The following ADGRE3 variants were observed in gnomAD, a reference collection of about 807,000 sequenced individuals.
The protein encoded by ADGRE3 is EGF-like module receptor 3.
ADGRE3 carries 88 observed loss-of-function variants against 80.1 expected under a neutral mutation model. The ratio of observed to expected loss-of-function variants is 1.10; its 90% CI spans 0.93 to 1.31. The LOEUF (loss-of-function observed/expected upper bound fraction) is 1.31. Among genes scored for constraint, ADGRE3 ranks in the 40% most tolerant of loss-of-function variants. The pLI is 0.00. For missense variants in ADGRE3, 715 were observed against 776.5 expected, an observed-to-expected ratio of 0.92 and a Z score of 0.94; for synonymous variants, 281 against 294.8, an observed-to-expected ratio of 0.95 and a Z score of 0.48.
intron 6 of ADGRE3, among the ~76,000 whole-genome samples, chr19:14,653,369 A>G (rs1444909475): frequency 6.6e-6 from 1 of 152,068 alleles, no homozygotes; most frequent in Non-Finnish European, 1.5e-5. Context: ...ATATTATTTA[A>G]TATTTTCTAC....
At chr19:14,643,131 T>C (rs1971297542) in intron 9 of ADGRE3, among the ~76,000 whole-genome samples, 1 of 148,136 alleles carries the variant, frequency 6.8e-6, no homozygotes, top group Non-Finnish European at 1.5e-5. Context: ...TGATGTGGTT[T>C]ATAGTAATCA....
intron 2 of ADGRE3, among the ~76,000 whole-genome samples, chr19:14,665,945 T>TGCATACATAC (rs1555763976): frequency 1.9e-4 from 5 of 26,914 alleles, no homozygotes; most frequent in African/African-American, 5.4e-4. Flanking sequence ...TGTATATATA[T>TGCATACATAC]ATATATATAT....
the ADGRE3 span, among the ~76,000 whole-genome samples, chr19:14,608,034 C>T: frequency 1.3e-5 from 2 of 152,022 alleles, no homozygotes; most frequent in African/African-American, 4.8e-5. Context: ...CCATGCCTGG[C>T]TAATTTTTTG....
At chr19:14,673,197 G>T (rs1342239511) in intron 1 of ADGRE3, among the ~76,000 whole-genome samples, 1 of 152,170 alleles carries the variant, frequency 6.6e-6, no homozygotes, top group Non-Finnish European at 1.5e-5. Flanking sequence ...AGAATTTACA[G>T]CCTATCAGCT....
At chr19:14,628,633 G>T in intron 14 of ADGRE3, 1 of 316,780 alleles carries the variant, frequency 3.2e-6, no homozygotes, top group Non-Finnish European at 6.1e-6. Context: ...CTGCAGTACA[G>T]TGAAGTTCAA....
Position 14,636,149 on chromosome 19 carries a change from T to TCTTCCTTCCTTCCTTCCTTCCTTC in ADGRE3, c.1484+1955_1484+1956insGAAGGAAGGAAGGAAGGAAGGAAG, listed in dbSNP as rs1555755846. On this transcript the variant is annotated intron_variant, in intron 11 of 15. Coordinates refer to ENST00000253673, the MANE Select transcript of ADGRE3 (RefSeq NM_032571.5). The stretch of plus-strand genomic sequence containing the variant: ...TTCTTTCTTTCTTTCTTTCTTTCTT[T>TCTTCCTTCCTTCCTTCCTTCCTTC]CTTCCTTTCCTCCTTTCCTTTCCTT... 3.1e-3 allele frequency among the ~76,000 whole-genome samples: 124 copies of TCTTCCTTCCTTCCTTCCTTCCTTC among 40,594 alleles called. 16 individuals carry two copies. Among genetic ancestry groups the TCTTCCTTCCTTCCTTCCTTCCTTC allele is most frequent in the East Asian group, 7.9e-3 (10 of 1,268 alleles). 26.6% of individuals were successfully genotyped at this position (40,594 alleles called of 152,430 possible). A position where few individuals can be genotyped will look rare whatever the true frequency, so the allele number is the denominator to read the frequency against.
intron 1 of ADGRE3, 109 bp downstream of exon 1, chr19:14,674,637 G>A: frequency 9.1e-7 from 1 of 1,100,172 alleles, no homozygotes; most frequent in Non-Finnish European, 1.3e-6. Context: ...GAAAAGGTGA[G>A]AGTGTTCAGA....
At position 14,666,304 on chromosome 19, in the gene ADGRE3, T is replaced by A. The variant is rs1399468557; in HGVS notation, c.76+2498A>T. 3.3e-5 allele frequency among the ~76,000 whole-genome samples: 5 copies of A among 151,920 alleles called. No individual in the cohort carries two copies. In the East Asian group the frequency reaches 9.7e-4, roughly 29 times the overall value. On this transcript the variant is annotated intron_variant, in intron 2 of 15. Transcript: ENST00000253673. Reference sequence around the variant, plus strand: ...GGCCATTCTTGCAGGAGTAAGGTGGTATTGCATTGTGATTTCGATTTGCAT... The same window carrying A: ...GGCCATTCTTGCAGGAGTAAGGTGGAATTGCATTGTGATTTCGATTTGCAT...
intron 10 of ADGRE3, among the ~76,000 whole-genome samples, chr19:14,640,786 T>C (rs1183673313): frequency 2.0e-5 from 3 of 152,156 alleles, no homozygotes; most frequent in Admixed American, 2.0e-4. Context: ...ATTGTTCTCG[T>C]GGTAGGAAAT....
chr19:14,609,046 C>T, the ADGRE3 span, among the ~76,000 whole-genome samples: 3,490 of 152,146 alleles, frequency 0.023, 69 homozygotes, highest in Non-Finnish European at 0.036. Context: ...GTGATCTACC[C>T]GTCTTGGCCT....
At chr19:14,610,169 G>A in the ADGRE3 span, 4 of 1,581,874 alleles carry the variant, frequency 2.5e-6, no homozygotes, top group Non-Finnish European at 3.4e-6. Context: ...CTACGTATTG[G>A]ATTTGTGAGC....
chr19:14,664,879 A>G (rs1226277875), intron 2 of ADGRE3, among the ~76,000 whole-genome samples: 2 of 152,046 alleles, frequency 1.3e-5, no homozygotes, highest in Non-Finnish European at 2.9e-5. Context: ...CCAGATTCTG[A>G]GCTGTCTACT....
intron 3 of ADGRE3, among the ~76,000 whole-genome samples, chr19:14,662,547 G>A (rs895458059): frequency 3.3e-5 from 5 of 151,990 alleles, no homozygotes; most frequent in Non-Finnish European, 7.4e-5. Flanking sequence ...CACCACGCCC[G>A]GCTGATTTTT....
At position 14,674,843 on chromosome 19, in the gene ADGRE3, C is replaced by T. The variant is rs1481020229; in HGVS notation, c.-73G>A. On this transcript the variant is annotated 5_prime_UTR_variant, in exon 1 of 16. Coordinates refer to ENST00000253673, the MANE Select transcript of ADGRE3 (RefSeq NM_032571.5). ...CTGTGCCGTAAGCCAACCACCTTTC[C>T]TAGCTCAAGAAATCCCATGAGAATT... The T allele has an allele frequency of 6.7e-7, 1 of 1,497,926 alleles. No individual in the cohort carries two copies. Among genetic ancestry groups the T allele is most frequent in the Admixed American group, 1.9e-5 (1 of 52,038 alleles). The allele number at this position is 1,497,926 out of a possible 1,614,324, so 92.8% of individuals were successfully genotyped here. A position where few individuals can be genotyped will look rare whatever the true frequency, so the allele number is the denominator to read the frequency against.
chr19:14,665,972 ATATATAGT>A (rs1568500890), intron 2 of ADGRE3, among the ~76,000 whole-genome samples: 1 of 132,888 alleles, frequency 7.5e-6, no homozygotes, highest in African/African-American at 2.7e-5. Context: ...ATATATATAT[ATATATAGT>A]GTTTTCTTTA....
intron 2 of ADGRE3, among the ~76,000 whole-genome samples, chr19:14,663,965 T>A (rs919026689): frequency 6.6e-6 from 1 of 152,020 alleles, no homozygotes; most frequent in Non-Finnish European, 1.5e-5. Context: ...ACATATTATA[T>A]ATGTAAATAA....
At chr19:14,644,786 C>T (rs534286408) in intron 8 of ADGRE3, among the ~76,000 whole-genome samples, 18 of 152,304 alleles carry the variant, frequency 1.2e-4, no homozygotes, top group South Asian at 4.1e-4. Context: ...AGTGCCGTGA[C>T]GCAATCACAG....
intron 11 of ADGRE3, among the ~76,000 whole-genome samples, chr19:14,636,058 T>TTCCTTCCC (rs1449287126): frequency 7.1e-4 from 16 of 22,406 alleles, no homozygotes; most frequent in African/African-American, 1.9e-3. Flanking sequence ...CCTTCCTTCC[T>TTCCTTCCC]TCCTTTCCTT....
Position 14,658,538 on chromosome 19 carries a change from G to A in ADGRE3, c.368C>T (p.Ser123Leu), listed in dbSNP as rs1344278543. 1.9e-6 allele frequency: 3 copies of A among 1,567,070 alleles called. No homozygotes were observed. Among genetic ancestry groups the A allele is most frequent in the East Asian group, 4.9e-5 (2 of 40,592 alleles). Reference sequence around the variant, plus strand: ...CTCTTTCCTGCCCTCGGTTGTCTTTGAGGAGGTGGTGTCTGCAAAAGACAT... The same window carrying A: ...CTCTTTCCTGCCCTCGGTTGTCTTTAAGGAGGTGGTGTCTGCAAAAGACAT... ...NENTCQDTTS[S>L]KTTEGRKELQ... Residue 123 changes from serine (S) to leucine (L), a missense_variant, in exon 5 of 16, where the codon TCA becomes TTA. By Grantham distance (145) the Ser-to-Leu change is moderately radical (BLOSUM62 -2). Transcript: ENST00000253673.
Sources: allele counts gnomAD v4.1 joint callset (sites outside exome capture counted in the v4.1 genomes callset), GRCh38; gene constraint gnomAD v4.1.1; transcripts MANE v1.5; gene names NCBI Gene and HGNC (gene_info 2026-07-23, HGNC 2026-07-21).